Variants in KIF3C observed in about 807,000 individuals in gnomAD.
KIF3C encodes kinesin family member 3C.
KIF3C carries 12 observed loss-of-function variants against 67.7 expected under a neutral mutation model. The ratio of observed to expected loss-of-function variants is 0.18; its 90% CI spans 0.11 to 0.29. KIF3C has a LOEUF of 0.29. KIF3C is among the 10% of genes least tolerant of loss of function. The probability of loss-of-function intolerance (pLI) is 1.00; values close to 1 mark genes in which losing one functional copy is unlikely to be tolerated. For synonymous variants in KIF3C, 393 were observed against 426.2 expected (o/e 0.92, Z 0.96); for missense variants, 789 against 1,059.6 (o/e 0.74, Z 3.55).
chr2:25,951,834 C>A lies in KIF3C; in HGVS notation c.1961G>T (p.Cys654Phe). The change falls in exon 5 of 8, where the codon TGT becomes TTT. Residue 654 changes from cysteine (C) to phenylalanine (F), a missense_variant. This residue lies in a region of KIF3C where 648 missense variants were observed against 807.8 expected (regional missense o/e 0.80). Transcript: ENST00000264712. The stretch of plus-strand genomic sequence containing the variant: ...CTGGAACTTCCACTGCTCCTCCTCA[C>A]AGTCCAGGAAAAGCCGGTTCATGAT... ...NKIMNRLFLDCEEEQWKFQPL... is the reference protein window; with the variant it reads ...NKIMNRLFLDFEEEQWKFQPL... 1 of 1,614,104 alleles carries A rather than the reference C, an allele frequency of 6.2e-7. No homozygotes were observed. The highest frequency in any genetic ancestry group is 8.5e-7 in the Non-Finnish European group (1 of 1,179,972).
intron 5 of KIF3C, among the ~76,000 whole-genome samples, chr2:25,935,553 G>C (rs993175630): frequency 7.9e-5 from 12 of 151,824 alleles, no homozygotes; most frequent in African/African-American, 2.9e-4. Context: ...TTTTTGACAG[G>C]GTCTCACTCT....
In KIF3C at chr2:25,958,112, C is replaced by T. The variant is rs1663854697; in HGVS notation, c.1546-1668G>A. Among the ~76,000 whole-genome samples the T allele has an allele frequency of 6.6e-6, 1 of 152,126 alleles. No homozygotes were observed. Among genetic ancestry groups the T allele is most frequent in the South Asian group, 2.1e-4 (1 of 4,824 alleles). On this transcript the variant is annotated intron_variant, in intron 1 of 7. Transcript: ENST00000264712. This position sits in a 1 kb window ranked among gnomAD's most constrained non-coding sequence, Gnocchi z 4.5. ...TTGCATCTGGCCAGTGAGTCAAGGC[C>T]ATCAAATCTGCTCCTCAGTGCGGCT...
rs1160751559 is a variant in KIF3C, at chr2:25,929,358, C to T, written c.2235G>A (p.Leu745=). ...TGGAAGGTCTTTCCAGAAAGCTGTC[C>T]AATCGCATGAGCCTCTCCATGTGTA... The part of the protein sequence containing the change: ...RALHMERLMR[L]DSFLERPSTS... The change falls in exon 7 of 8, where the codon TTG becomes TTA. Residue 745 remains leucine, a synonymous_variant. Coordinates refer to ENST00000264712, the MANE Select transcript of KIF3C (RefSeq NM_002254.8). The T allele has an allele frequency of 5.6e-6, 9 of 1,614,152 alleles. No individual in the cohort carries two copies. The highest frequency in any genetic ancestry group is 7.6e-6 in the Non-Finnish European group (9 of 1,180,026).
At position 25,980,837 on chromosome 2, in the gene KIF3C, G is replaced by C. The variant is rs747315732; in HGVS notation, c.1081C>G (p.Arg361Gly). ...GGCTTGTTCTTGATGTTCTTGGCTC[G>C]GTTGGCAAAGCGCAAGGTGGAGAGG... is the stretch of plus-strand genomic sequence containing the variant. ...ESLSTLRFAN[R>G]AKNIKNKPRV... Residue 361 changes from arginine (R) to glycine (G), a missense_variant, in exon 1 of 8, where the codon CGA becomes GGA. Coordinates refer to ENST00000264712, the MANE Select transcript of KIF3C (RefSeq NM_002254.8). The surrounding 1 kb of genome is among the most constrained non-coding windows in gnomAD (Gnocchi z 7.6). 1 of 1,614,180 alleles carries C rather than the reference G, an allele frequency of 6.2e-7. No homozygotes were observed. The highest frequency in any genetic ancestry group is 8.5e-7 in the Non-Finnish European group (1 of 1,180,022).
At chr2:25,934,127 A>G (rs1370868983) in intron 5 of KIF3C, 3 of 471,022 alleles carry the variant, frequency 6.4e-6, no homozygotes, top group African/African-American at 6.0e-5. Flanking sequence ...AACGGACTAC[A>G]TATTGTGTGA....
rs773639333 is a variant in KIF3C at position 25,951,893 on chromosome 2, G to A, written c.1902C>T (p.Ile634=). The A allele has an allele frequency of 2.2e-5, 35 of 1,611,848 alleles. No individual in the cohort carries two copies. Among genetic ancestry groups the A allele is most frequent in the East Asian group, 6.7e-5 (3 of 44,880 alleles). The change falls in exon 5 of 8, where the codon ATC becomes ATT. Residue 634 remains isoleucine (I), a synonymous_variant. Transcript: ENST00000264712. ...TRELKLKYLI[I]ENFIPPEEKN... Reference sequence around the variant, plus strand: ...TCTCCTCCGGCGGGATGAAGTTCTCGATGATTAGGTACCTGGGAGCAGGAA... The same window carrying A: ...TCTCCTCCGGCGGGATGAAGTTCTCAATGATTAGGTACCTGGGAGCAGGAA...
chr2:25,942,859 G>T (rs983040003), intron 5 of KIF3C, among the ~76,000 whole-genome samples: 1 of 152,160 alleles, frequency 6.6e-6, no homozygotes, highest in African/African-American at 2.4e-5. Context: ...AGTTGATTAG[G>T]AATATTTCTC....
intron 5 of KIF3C, among the ~76,000 whole-genome samples, chr2:25,947,409 G>A (rs554356650): frequency 1.3e-5 from 2 of 152,010 alleles, no homozygotes; most frequent in East Asian, 3.9e-4. Context: ...GTGAAACCCT[G>A]TCTTTACTAA....
In KIF3C at chr2:25,951,113, T is replaced by G. The variant is rs1448321686; in HGVS notation, c.2006+676A>C. Among the ~76,000 whole-genome samples, 5 of 152,062 alleles carry G rather than the reference T, an allele frequency of 3.3e-5. No individual in the cohort carries two copies. The East Asian group carries it at 9.6e-4, about 29-fold the overall frequency. Reference sequence around the variant, plus strand: ...CCAGCCTCCTAAGCACCTCTCTCTATATATTTGCAATTAAGGGCCCATGGT... The same window carrying G: ...CCAGCCTCCTAAGCACCTCTCTCTAGATATTTGCAATTAAGGGCCCATGGT... On this transcript the variant is annotated intron_variant, in intron 5 of 7. Transcript: ENST00000264712.
At chr2:25,930,323 C>G (rs1329271211) in intron 5 of KIF3C, among the ~76,000 whole-genome samples, 1 of 152,136 alleles carries the variant, frequency 6.6e-6, no homozygotes. Flanking sequence ...TTTCGAGAGA[C>G]AGACACACCT....
At chr2:25,957,783 G>A (rs1380069121) in intron 1 of KIF3C, among the ~76,000 whole-genome samples, 1 of 152,194 alleles carries the variant, frequency 6.6e-6, no homozygotes, top group Admixed American at 6.5e-5. Context: ...AAGACGCTGA[G>A]CAAGTTGGGC....
At chr2:25,944,347 CTTTT>C (rs34983264) in intron 5 of KIF3C, among the ~76,000 whole-genome samples, 9 of 133,980 alleles carry the variant, frequency 6.7e-5, no homozygotes, top group African/African-American at 8.3e-5. Flanking sequence ...TCATAATTGC[CTTTT>C]TTTTTTTTTT....
intron 5 of KIF3C, among the ~76,000 whole-genome samples, chr2:25,948,133 G>A (rs577498423): frequency 6.6e-6 from 1 of 152,274 alleles, no homozygotes; most frequent in Admixed American, 6.5e-5. Context: ...TGAGTGGGAG[G>A]ATCACTTGAG....
chr2:25,982,055 TGGGG>T lies in KIF3C; in HGVS notation c.-142_-139del. ...TCAATCCGCATGCAGCCTCCTAGGG[TGGGG>T]ACGCTGGGAGGTGGCCCCAACGCTG... On this transcript the variant is annotated 5_prime_UTR_variant, in exon 1 of 8. An upstream open reading frame in the 5' UTR gains an earlier in-frame stop. Coordinates refer to ENST00000264712, the MANE Select transcript of KIF3C (RefSeq NM_002254.8). The T allele has an allele frequency of 1.5e-6, 1 of 647,446 alleles. No individual in the cohort carries two copies. Among genetic ancestry groups the T allele is most frequent in the Non-Finnish European group, 2.5e-6 (1 of 392,792 alleles). 40.1% of individuals were successfully genotyped at this position (647,446 alleles called of 1,614,324 possible).
At chr2:25,966,725 C>T (rs74428279) in intron 1 of KIF3C, among the ~76,000 whole-genome samples, 1,835 of 152,312 alleles carry the variant, frequency 0.012, 18 homozygotes, top group Non-Finnish European at 0.02. Flanking sequence ...TATGATTTTA[C>T]AAGGACAGAG....
At chr2:25,970,760 T>A (rs1664261676) in intron 1 of KIF3C, among the ~76,000 whole-genome samples, 1 of 150,400 alleles carries the variant, frequency 6.6e-6, no homozygotes, top group African/African-American at 2.4e-5. Context: ...TTACCACCAC[T>A]GTTGTTATTT....
chr2:25,982,112 G>C lies in KIF3C; in HGVS notation c.-195C>G. 1.9e-6 allele frequency: 1 copy of C among 533,716 alleles called. No individual in the cohort carries two copies. Among genetic ancestry groups the C allele is most frequent in the South Asian group, 2.8e-5 (1 of 35,394 alleles). The allele number at this position is 533,716 out of a possible 1,614,324, so 33.1% of individuals were successfully genotyped here. The stretch of plus-strand genomic sequence containing the variant: ...GCAGTCCGGGCCTCCACCGCTCTCC[G>C]GTCCTCTCTGCACCGGCTGGGAGGT... On this transcript the variant is annotated 5_prime_UTR_variant, in exon 1 of 8. Transcript: ENST00000264712.
At position 25,980,433 on chromosome 2, in the gene KIF3C, C is replaced by G. The variant is rs369791960; in HGVS notation, c.1485G>C (p.Lys495Asn). 6.2e-7 allele frequency: 1 copy of G among 1,614,134 alleles called. No homozygotes were observed. The highest frequency in any genetic ancestry group is 8.5e-7 in the Non-Finnish European group (1 of 1,180,028). ...EKQKLLEEKE[K>N]MLEDLRREQQ... ...GTTCCCGCCGCAGGTCCTCCAGCAT[C>G]TTCTCCTTCTCCTCCAGCAGCTTCT... Residue 495 changes from lysine to asparagine, a missense_variant, in exon 1 of 8, where the codon AAG (lysine) becomes AAC (asparagine). Lys to Asn is a moderately conservative substitution (Grantham distance 94). Coordinates refer to ENST00000264712, the MANE Select transcript of KIF3C (RefSeq NM_002254.8). This position sits in a 1 kb window ranked among gnomAD's most constrained non-coding sequence, Gnocchi z 7.6.
chr2:25,972,826 C>T (rs886985037), intron 1 of KIF3C, among the ~76,000 whole-genome samples: 1 of 152,156 alleles, frequency 6.6e-6, no homozygotes, highest in African/African-American at 2.4e-5. Flanking sequence ...ACAGCTTTAC[C>T]CACTCTACCT....
Sources: gnomAD v4.1 joint callset for allele counts (sites outside exome capture counted in the v4.1 genomes callset) on GRCh38, gnomAD v4.1.1 for gene constraint, gnomAD v4.1.1 regional missense constraint, Gnocchi (gnomAD v3.1) non-coding constraint, MANE v1.5 for transcripts, NCBI Gene and HGNC (gene_info 2026-07-23, HGNC 2026-07-21) for gene names.